The following CAPN14 variants were observed in gnomAD, a reference collection of about 807,000 sequenced individuals.
CAPN14 encodes calpain 14, also known as calpain-14.
A neutral mutation model predicts 101.3 loss-of-function variants in CAPN14; 94 were observed. The ratio of observed to expected loss-of-function variants is 0.93; its 90% CI spans 0.79 to 1.10. The LOEUF (loss-of-function observed/expected upper bound fraction) is 1.10, where lower values mean the gene tolerates loss of function less well. Ranked by LOEUF, CAPN14 falls within the 50% of genes least tolerant of loss-of-function variation. The pLI is 0.00. For synonymous variants in CAPN14, 338 were observed against 317.9 expected (o/e 1.06, Z -0.67); for missense variants, 837 against 828.4 (o/e 1.01, Z -0.13).
At chr2:31,190,412 G>A (rs1681119715) in intron 12 of CAPN14, among the ~76,000 whole-genome samples, 1 of 152,132 alleles carries the variant, frequency 6.6e-6, no homozygotes, top group African/African-American at 2.4e-5. Flanking sequence ...ATGAGAACTA[G>A]GGAATCATCC....
chr2:31,225,960 A>C (rs1683010392), intron 2 of CAPN14, among the ~76,000 whole-genome samples: 1 of 152,212 alleles, frequency 6.6e-6, no homozygotes, highest in African/African-American at 2.4e-5. Context: ...CATACTAGTA[A>C]GGGAGGGCGA....
At chr2:31,177,620 C>CTA (rs1193763057) in intron 19 of CAPN14, 126 bp downstream of exon 19, 8 of 698,204 alleles carry the variant, frequency 1.1e-5, no homozygotes, top group African/African-American at 3.6e-5. Context: ...GACTGCAGAT[C>CTA]TACGTCTTTG....
rs1268720400 is a variant in CAPN14, at chr2:31,180,974, TA to T, written c.1671del (p.Phe557LeufsTer21). 1 of 1,551,670 alleles carries T rather than the reference TA, an allele frequency of 6.4e-7. No homozygotes were observed. The highest frequency in any genetic ancestry group is 2.0e-5 in the Admixed American group (1 of 50,982). On this transcript the variant is annotated frameshift_variant, in exon 17 of 22. Transcript: ENST00000403897. LOFTEE classifies it high-confidence loss of function. ...WSSLGSRQPF[F>X]SLEACQGILA... Reference sequence around the variant, plus strand: ...AGGATCCCCTGGCAGGCTTCCAGGCTAAAGAAGGGCTGTCTGCTCCCCAGAC... The same window carrying T: ...AGGATCCCCTGGCAGGCTTCCAGGCTAAGAAGGGCTGTCTGCTCCCCAGAC...
At chr2:31,222,229 C>T (rs1682881067), upstream of CAPN14, among the ~76,000 whole-genome samples, 1 of 152,170 alleles carries the variant, frequency 6.6e-6, no homozygotes, top group African/African-American at 2.4e-5. Flanking sequence ...TTCCCCTCAA[C>T]TGAAAAGCAT....
At position 31,202,190 on chromosome 2, in the gene CAPN14, C is replaced by T. The variant is rs191803963; in HGVS notation, c.358G>A (p.Val120Ile). 8.2e-5 allele frequency: 127 copies of T among 1,551,836 alleles called. 1 individual carries two copies. The African/African-American group carries it at 1.6e-3, about 19-fold the overall frequency. ...LALHQDILSR[V>I]VPLNQSFTEK... is the part of the protein sequence containing the mutation. ...GTGAAACTCTGATTCAGGGGAACAACCCGGCTCAGGATGTCCTGGTGCAAG... is the reference window on the plus strand; with the variant it reads ...GTGAAACTCTGATTCAGGGGAACAATCCGGCTCAGGATGTCCTGGTGCAAG... The change falls in exon 4 of 22, where the codon GTT (valine) becomes ATT (isoleucine). Residue 120 changes from valine to isoleucine, a missense_variant. By Grantham distance (29) the Val-to-Ile change is conservative (BLOSUM62 3). Transcript: ENST00000403897.
intron 17 of CAPN14, among the ~76,000 whole-genome samples, chr2:31,180,166 G>T (rs1002077140): frequency 7.2e-6 from 1 of 138,996 alleles, no homozygotes; most frequent in African/African-American, 2.9e-5. Flanking sequence ...CCTGTAGCAG[G>T]TGAGGTCGGC....
In CAPN14 at chr2:31,189,357, G is replaced by A. The variant is rs753959703; in HGVS notation, c.1409C>T (p.Thr470Met). The change falls in exon 13 of 22, where the codon ACG (threonine) becomes ATG (methionine). Residue 470 changes from threonine to methionine, a missense_variant. By Grantham distance (81) the Thr-to-Met change is moderately conservative. Coordinates refer to ENST00000403897, the MANE Select transcript of CAPN14 (RefSeq NM_001145122.2). The stretch of plus-strand genomic sequence containing the variant: ...CAATATGCAGGGCACGATGAGGTAC[G>A]TCCCTGGTTCCAGACACAGCTCCTG... ...VSQELCLEPG[T>M]YLIVPCILEA... 3.4e-5 allele frequency: 53 copies of A among 1,551,742 alleles called. No homozygotes were observed. The highest frequency in any genetic ancestry group is 2.2e-4 in the East Asian group (9 of 40,912).
Position 31,178,561 on chromosome 2 carries a change from T to C in CAPN14, c.1729A>G (p.Met577Val). ...ALLDLNASGT[M>V]SIQEFRDLWK... ...AGGTCCCTGAATTCCTGGATGCTCA[T>C]AGTACCTGATGCATTAAGCTGATTA... Residue 577 changes from methionine (M) to valine (V), a missense_variant, in exon 18 of 22, where the codon ATG (methionine) becomes GTG (valine). By Grantham distance (21) the Met-to-Val change is conservative (BLOSUM62 1). Transcript: ENST00000403897. 1 of 1,546,820 alleles carries C rather than the reference T, an allele frequency of 6.5e-7. No homozygotes were observed. The highest frequency in any genetic ancestry group is 8.7e-7 in the Non-Finnish European group (1 of 1,145,090).
Position 31,187,819 on chromosome 2 carries a change from A to C in CAPN14, c.1531-5T>G. The C allele has an allele frequency of 6.5e-7, 1 of 1,548,752 alleles. No individual in the cohort carries two copies. The highest frequency in any genetic ancestry group is 8.7e-7 in the Non-Finnish European group (1 of 1,144,252). On this transcript the variant is annotated splice_region_variant and splice_polypyrimidine_tract_variant and intron_variant, in intron 14 of 21. Coordinates refer to ENST00000403897, the MANE Select transcript of CAPN14 (RefSeq NM_001145122.2). Reference sequence around the variant, plus strand: ...TTCATTTTGGTCTTCTATCTCCTATAGGAAGAGACACACAGAAAGACACAA... The same window carrying C: ...TTCATTTTGGTCTTCTATCTCCTATCGGAAGAGACACACAGAAAGACACAA...
chr2:31,190,070 G>A (rs1339683352), intron 12 of CAPN14, among the ~76,000 whole-genome samples: 3 of 152,130 alleles, frequency 2.0e-5, no homozygotes, highest in Non-Finnish European at 4.4e-5. Context: ...CTGGGCAAGA[G>A]CTCAGAAGAC....
intron 20 of CAPN14, 60 bp downstream of exon 20, chr2:31,176,966 G>T: frequency 1.6e-6 from 2 of 1,222,952 alleles, no homozygotes; most frequent in Non-Finnish European, 2.3e-6. Flanking sequence ...CTAGGGACAG[G>T]TGGGAAGTCA....
chr2:31,217,065 C>T (rs1158649084), intron 1 of CAPN14, among the ~76,000 whole-genome samples: 2 of 152,154 alleles, frequency 1.3e-5, no homozygotes, highest in East Asian at 3.9e-4. Flanking sequence ...CATCAGGAGG[C>T]TCAGGAGACA....
At chr2:31,185,544 C>A (rs899373530) in intron 16 of CAPN14, among the ~76,000 whole-genome samples, 2 of 152,176 alleles carry the variant, frequency 1.3e-5, no homozygotes, top group African/African-American at 4.8e-5. Context: ...GTGCATGAGC[C>A]ATTGCTTCTA....
rs1033040256 is a variant in CAPN14, at chr2:31,230,689, T to C, written c.-177+3102A>G. ...TAGCTCTTGCCAAGTTTTTTTCTAT[T>C]GGAATGTTTGTCTTTGTTATCGATG... On this transcript the variant is annotated intron_variant and NMD_transcript_variant, in intron 1 of 21. Transcript: ENST00000398824. The surrounding 1 kb of genome is among the most constrained non-coding windows in gnomAD (Gnocchi z 4.3). Among the ~76,000 whole-genome samples, 1 of 152,232 alleles carries C rather than the reference T, an allele frequency of 6.6e-6. No homozygotes were observed. Among genetic ancestry groups the C allele is most frequent in the African/African-American group, 2.4e-5 (1 of 41,454 alleles).
At position 31,174,306 on chromosome 2, in the gene CAPN14, T is replaced by C. The variant is rs1335407118; in HGVS notation, c.*375A>G. The stretch of plus-strand genomic sequence containing the variant: ...ATGATTACCCCACCATGTGAGAACA[T>C]GTGGCATGTCTAAAGTCACTTGAGT... On this transcript the variant is annotated 3_prime_UTR_variant, in exon 22 of 22. Transcript: ENST00000403897. 5.9e-6 allele frequency: 2 copies of C among 340,946 alleles called. No homozygotes were observed. Among genetic ancestry groups the C allele is most frequent in the Non-Finnish European group, 1.1e-5 (2 of 185,062 alleles). The allele number at this position is 340,946 out of a possible 1,614,324, so 21.1% of individuals were successfully genotyped here.
chr2:31,176,605 T>C lies in CAPN14; in HGVS notation c.2010A>G (p.Ile670Met). The C allele has an allele frequency of 6.4e-7, 1 of 1,551,736 alleles. No homozygotes were observed. Among genetic ancestry groups the C allele is most frequent in the South Asian group, 1.2e-5 (1 of 84,062 alleles). ...FQNLTQDGKG[I>M]YLQKPEWMMM... ...GTCTTACCTCTGGCTTCTGGAGGTATATCCCTTTGCCATCTTGGGTTAAGT... is the reference window on the plus strand; with the variant it reads ...GTCTTACCTCTGGCTTCTGGAGGTACATCCCTTTGCCATCTTGGGTTAAGT... The change falls in exon 21 of 22, where the codon ATA (isoleucine) becomes ATG (methionine). Residue 670 changes from isoleucine (I) to methionine (M), a missense_variant. Ile to Met is a conservative substitution (Grantham distance 10, BLOSUM62 1). Transcript: ENST00000403897.
chr2:31,204,059 A>C lies in CAPN14; in HGVS notation c.226-920T>G, dbSNP rs78270449. Among the ~76,000 whole-genome samples, 1,224 of 152,306 alleles carry C rather than the reference A, an allele frequency of 8.0e-3. 16 individuals are homozygous for C. The highest frequency in any genetic ancestry group is 0.026 in the African/African-American group (1,092 of 41,558). On this transcript the variant is annotated intron_variant, in intron 2 of 21. Transcript: ENST00000403897. ...GGAGGTTGGAGAGATGTTAAAATTTATCTCTCTGGCAGATGGTATTGGCTG... is the reference window on the plus strand; with the variant it reads ...GGAGGTTGGAGAGATGTTAAAATTTCTCTCTCTGGCAGATGGTATTGGCTG...
intron 1 of CAPN14, among the ~76,000 whole-genome samples, chr2:31,231,630 G>C (rs1558643610): frequency 6.6e-6 from 1 of 152,164 alleles, no homozygotes; most frequent in Non-Finnish European, 1.5e-5. Context: ...CACGCACTTG[G>C]TAAATTAGAT....
intron 21 of CAPN14, among the ~76,000 whole-genome samples, chr2:31,175,287 G>A (rs1037648944): frequency 2.0e-5 from 3 of 152,206 alleles, no homozygotes; most frequent in Admixed American, 1.3e-4. Flanking sequence ...GCCACAGATG[G>A]TCAGAGCTGG....
Sources: gnomAD v4.1 joint callset for allele counts (sites outside exome capture counted in the v4.1 genomes callset) on GRCh38, gnomAD v4.1.1 for gene constraint, Gnocchi (gnomAD v3.1) non-coding constraint, MANE v1.5 for transcripts, NCBI Gene and HGNC (gene_info 2026-07-23, HGNC 2026-07-21) for gene names.